The following SLIT2 variants were observed in gnomAD, a reference collection of about 807,000 sequenced individuals.
The protein encoded by SLIT2 is slit guidance ligand 2.
A neutral mutation model predicts 185.7 loss-of-function variants in SLIT2; 41 were observed. The observed-to-expected ratio is 0.22, with a 90% confidence interval of 0.17 to 0.29. The LOEUF is 0.29. Among genes scored for constraint, SLIT2 ranks in the 10% least tolerant of loss-of-function variants. SLIT2 has a pLI of 1.00. For missense variants in SLIT2, 1,571 were observed against 1,909.0 expected (o/e 0.82, Z 3.30); for synonymous variants, 693 against 680.2 (o/e 1.02, Z -0.29).
intron 4 of SLIT2, among the ~76,000 whole-genome samples, chr4:20,372,945 AG>A (rs1463824441): frequency 3.9e-5 from 6 of 152,162 alleles, no homozygotes; most frequent in Non-Finnish European, 8.8e-5. Context: ...AACAGATATG[AG>A]CATCATGTTG....
chr4:20,293,756 T>C (rs1273719278), intron 4 of SLIT2, among the ~76,000 whole-genome samples: 1 of 152,128 alleles, frequency 6.6e-6, no homozygotes, highest in Non-Finnish European at 1.5e-5. Context: ...CCTTAGAAAC[T>C]TAGGTGAAGA....
intron 7 of SLIT2, among the ~76,000 whole-genome samples, chr4:20,488,072 A>G (rs747391361): frequency 6.6e-6 from 1 of 152,152 alleles, no homozygotes; most frequent in Non-Finnish European, 1.5e-5. Context: ...TAGTGGATAC[A>G]TTTGTCTGAT....
At position 20,472,422 on chromosome 4, in the gene SLIT2, A is replaced by C. The variant is rs558386963; in HGVS notation, c.467+4599A>C. On this transcript the variant is annotated intron_variant, in intron 5 of 36. Transcript: ENST00000504154. Reference sequence around the variant, plus strand: ...GATATAGATATCTATATATCTATATATATAGATATCTATAGATATATATCT... The same window carrying C: ...GATATAGATATCTATATATCTATATCTATAGATATCTATAGATATATATCT... 5.3e-3 allele frequency among the ~76,000 whole-genome samples: 423 copies of C among 80,128 alleles called. 32 individuals carry two copies. Among genetic ancestry groups the C allele is most frequent in the African/African-American group, 0.022 (407 of 18,382 alleles). The allele number at this position is 80,128 out of a possible 152,430, so 52.6% of individuals were successfully genotyped here. A position where few individuals can be genotyped will look rare whatever the true frequency, so the allele number is the denominator to read the frequency against.
chr4:20,285,992 A>G (rs550139704), intron 4 of SLIT2, among the ~76,000 whole-genome samples: 69 of 152,346 alleles, frequency 4.5e-4, no homozygotes, highest in African/African-American at 1.6e-3. Flanking sequence ...CCTTATTTAT[A>G]TTAATAGTGC....
At chr4:20,501,341 A>G (rs568469101) in intron 9 of SLIT2, among the ~76,000 whole-genome samples, 1 of 152,210 alleles carries the variant, frequency 6.6e-6, no homozygotes, top group African/African-American at 2.4e-5. Context: ...GCTGGAGTGC[A>G]GTGGCGTGAT....
At chr4:20,493,170 G>A (rs1717930606) in intron 9 of SLIT2, among the ~76,000 whole-genome samples, 1 of 152,150 alleles carries the variant, frequency 6.6e-6, no homozygotes, top group Non-Finnish European at 1.5e-5. Context: ...AGAGGTGGCA[G>A]TAAGCATTGT....
intron 28 of SLIT2, 138 bp from the exon 29 acceptor site, chr4:20,568,727 G>T: frequency 1.4e-6 from 1 of 718,244 alleles, no homozygotes; most frequent in Non-Finnish European, 2.3e-6. Flanking sequence ...TCAGTTAAAA[G>T]CATTTTAAAA....
chr4:20,581,925 T>C (rs1726612321), intron 29 of SLIT2, among the ~76,000 whole-genome samples: 1 of 152,162 alleles, frequency 6.6e-6, no homozygotes, highest in Admixed American at 6.5e-5. Context: ...TTTTGTATTT[T>C]TAGTAGAGAC....
At chr4:20,550,948 G>A (rs769243344) in intron 25 of SLIT2, 50 bp downstream of exon 25, 4 of 985,612 alleles carry the variant, frequency 4.1e-6, no homozygotes, top group Non-Finnish European at 6.4e-6. Context: ...ACTTCCTAAT[G>A]AGTGACTTGG....
Position 20,529,067 on chromosome 4 carries a change from C to T in SLIT2, c.1581C>T (p.Ile527=). Reference sequence around the variant, plus strand: ...GCTCTAATCAAAAGCTCAACAAAATCCCGGAGCACATTCCCCAGTACACTG... The same window carrying T: ...GCTCTAATCAAAAGCTCAACAAAATTCCGGAGCACATTCCCCAGTACACTG... ...VDCSNQKLNK[I]PEHIPQYTAE... is the part of the protein sequence containing the mutation. The change falls in exon 16 of 37, where the codon ATC becomes ATT. Residue 527 remains isoleucine, a synonymous_variant. Transcript: ENST00000504154. 1 of 1,613,804 alleles carries T rather than the reference C, an allele frequency of 6.2e-7. No homozygotes were observed. The highest frequency in any genetic ancestry group is 8.5e-7 in the Non-Finnish European group (1 of 1,179,814).
intron 4 of SLIT2, among the ~76,000 whole-genome samples, chr4:20,435,472 A>C (rs1265949820): frequency 1.3e-5 from 2 of 152,226 alleles, no homozygotes; most frequent in Non-Finnish European, 2.9e-5. Flanking sequence ...TGTTAAAAAA[A>C]CTGTAATTAA....
At chr4:20,502,753 C>T (rs1211604426) in intron 9 of SLIT2, among the ~76,000 whole-genome samples, 1 of 152,096 alleles carries the variant, frequency 6.6e-6, no homozygotes, top group Non-Finnish European at 1.5e-5. Flanking sequence ...GAAGAAGAGA[C>T]TGTCCCGATG....
At chr4:20,309,286 A>G (rs1484512559) in intron 4 of SLIT2, among the ~76,000 whole-genome samples, 4 of 152,134 alleles carry the variant, frequency 2.6e-5, no homozygotes, top group Admixed American at 2.0e-4. Flanking sequence ...AAGAACACCA[A>G]TTATAGCATT....
At chr4:20,354,518 G>A (rs942352603) in intron 4 of SLIT2, among the ~76,000 whole-genome samples, 1 of 152,118 alleles carries the variant, frequency 6.6e-6, no homozygotes, top group South Asian at 2.1e-4. Flanking sequence ...ATTGTTAAGG[G>A]CACTAAAAAT....
At position 20,463,545 on chromosome 4, in the gene SLIT2, GTA is replaced by G. The variant is rs1553906577; in HGVS notation, c.396-4203_396-4202del. Among the ~76,000 whole-genome samples, 321 of 134,340 alleles carry G rather than the reference GTA, an allele frequency of 2.4e-3. 3 individuals are homozygous for G. Among genetic ancestry groups the G allele is most frequent in the African/African-American group, 3.0e-3 (113 of 37,240 alleles). 88.1% of individuals were successfully genotyped at this position (134,340 alleles called of 152,430 possible). A position where few individuals can be genotyped will look rare whatever the true frequency, so the allele number is the denominator to read the frequency against. ...TGTGTGTGTGTGTGTGTGTGTGTGT[GTA>G]TATGTATATCTCACATCTCTCCAAC... On this transcript the variant is annotated intron_variant, in intron 4 of 36. Transcript: ENST00000504154.
chr4:20,360,099 C>A (rs1287845662), intron 4 of SLIT2, among the ~76,000 whole-genome samples: 1 of 152,100 alleles, frequency 6.6e-6, no homozygotes, highest in Admixed American at 6.6e-5. Context: ...CTCACTCCCT[C>A]TCTACACTTT....
At chr4:20,321,989 G>A (rs2109168016) in intron 4 of SLIT2, among the ~76,000 whole-genome samples, 1 of 152,078 alleles carries the variant, frequency 6.6e-6, no homozygotes, top group Middle Eastern at 3.4e-3. Context: ...GGAGGGGTGG[G>A]GTCCTCCAGT....
intron 29 of SLIT2, among the ~76,000 whole-genome samples, chr4:20,572,099 G>A (rs1725654235): frequency 6.6e-6 from 1 of 152,216 alleles, no homozygotes; most frequent in African/African-American, 2.4e-5. Context: ...TTACTGATTT[G>A]TTAGAGGAGA....
At chr4:20,266,078 A>T (rs1274069439) in intron 3 of SLIT2, among the ~76,000 whole-genome samples, 1 of 151,808 alleles carries the variant, frequency 6.6e-6, no homozygotes, top group African/African-American at 2.4e-5. Flanking sequence ...AGTGACCATC[A>T]CCTAGTAAGC....
Sources: allele counts gnomAD v4.1 joint callset (sites outside exome capture counted in the v4.1 genomes callset), GRCh38; gene constraint gnomAD v4.1.1; transcripts MANE v1.5; gene names NCBI Gene and HGNC (gene_info 2026-07-23, HGNC 2026-07-21).